Variants in ANKS1B observed in about 807,000 individuals in gnomAD.
ANKS1B encodes the protein ankyrin repeat and sterile alpha motif domain-containing protein 1B.
A neutral mutation model predicts 148.3 loss-of-function variants in ANKS1B; 36 were observed. That is an observed-to-expected ratio of 0.24 (90% CI 0.19 to 0.32). The LOEUF (loss-of-function observed/expected upper bound fraction) is 0.32, where lower values mean the gene tolerates loss of function less well. ANKS1B is among the 10% of genes least tolerant of loss of function. ANKS1B has a pLI of 1.00. For missense variants in ANKS1B, 1,157 were observed against 1,542.6 expected, an observed-to-expected ratio of 0.75 and a Z score of 4.19; for synonymous variants, 542 against 560.8, an observed-to-expected ratio of 0.97 and a Z score of 0.47.
At chr12:99,280,200 G>A (rs986935795) in intron 12 of ANKS1B, among the ~76,000 whole-genome samples, 1 of 151,704 alleles carries the variant, frequency 6.6e-6, no homozygotes, top group East Asian at 1.9e-4. Context: ...GCATGTGTGT[G>A]TGTGAGAGAG....
intron 1 of ANKS1B, among the ~76,000 whole-genome samples, chr12:99,939,863 G>T (rs974727849): frequency 1.2e-4 from 19 of 152,146 alleles, no homozygotes; most frequent in African/African-American, 4.6e-4. Context: ...TCATGTAAAG[G>T]GAACATGAAA....
At chr12:99,456,178 A>T (rs2095845053) in intron 10 of ANKS1B, among the ~76,000 whole-genome samples, 1 of 152,032 alleles carries the variant, frequency 6.6e-6, no homozygotes, top group African/African-American at 2.4e-5. Flanking sequence ...GAAAAATAAC[A>T]GTCACTTCAG....
intron 16 of ANKS1B, among the ~76,000 whole-genome samples, chr12:99,059,833 A>ATGGCAT (rs1459754658): frequency 1.6e-5 from 2 of 124,732 alleles, no homozygotes; most frequent in East Asian, 5.4e-4. Flanking sequence ...TAAAGGTCAG[A>ATGGCAT]TGGCATTCAC....
intron 17 of ANKS1B, among the ~76,000 whole-genome samples, chr12:99,051,301 T>A (rs1198601143): frequency 6.6e-6 from 1 of 152,226 alleles, no homozygotes; most frequent in Non-Finnish European, 1.5e-5. Context: ...AGAGTCCTAT[T>A]GAAATCCATT....
At chr12:99,580,391 T>G (rs2097558957) in intron 9 of ANKS1B, among the ~76,000 whole-genome samples, 1 of 152,080 alleles carries the variant, frequency 6.6e-6, no homozygotes, top group South Asian at 2.1e-4. Flanking sequence ...ATAAAATCAT[T>G]TATAATATGT....
chr12:99,604,029 A>C (rs1428142647), intron 9 of ANKS1B, among the ~76,000 whole-genome samples: 1 of 152,100 alleles, frequency 6.6e-6, no homozygotes. Context: ...TGAAGACACA[A>C]CACTTTACAA....
chr12:98,743,243 C>CAAGT (rs1286591918), downstream of ANKS1B, among the ~76,000 whole-genome samples: 1 of 152,134 alleles, frequency 6.6e-6, no homozygotes, highest in South Asian at 2.1e-4. Flanking sequence ...GCAATATTCC[C>CAAGT]AAGTATTCCA....
At chr12:99,719,701 T>C (rs374431946) in intron 8 of ANKS1B, among the ~76,000 whole-genome samples, 11 of 152,110 alleles carry the variant, frequency 7.2e-5, no homozygotes, top group African/African-American at 2.2e-4. Flanking sequence ...ATGCGAGAGG[T>C]TTCCTCACTA....
At chr12:99,014,659 C>G (rs761586560) in intron 17 of ANKS1B, among the ~76,000 whole-genome samples, 1 of 151,702 alleles carries the variant, frequency 6.6e-6, no homozygotes, top group East Asian at 2.0e-4. Context: ...CTATAAGGAA[C>G]TTAAACAAAT....
chr12:99,827,337 G>A (rs73374317), intron 1 of ANKS1B, among the ~76,000 whole-genome samples: 210 of 151,370 alleles, frequency 1.4e-3, no homozygotes, highest in African/African-American at 4.8e-3. Flanking sequence ...TACGGAATCT[G>A]AAAAAAAATC....
intron 14 of ANKS1B, among the ~76,000 whole-genome samples, chr12:99,195,841 G>C (rs907544802): frequency 1.3e-5 from 2 of 151,970 alleles, no homozygotes; most frequent in African/African-American, 4.8e-5. Flanking sequence ...GAAAGATAAA[G>C]TAGAATTATC....
rs566493837 is a variant in ANKS1B at position 99,293,024 on chromosome 12, T to C, written c.1757-46160A>G. 3.9e-5 allele frequency among the ~76,000 whole-genome samples: 6 copies of C among 152,282 alleles called. No homozygotes were observed. In the East Asian group the frequency reaches 1.2e-3, roughly 29 times the overall value. On this transcript the variant is annotated intron_variant, in intron 12 of 26. Coordinates refer to ENST00000683438, the MANE Select transcript of ANKS1B (RefSeq NM_001352186.2). ...GGATATATACCCAAAGGATTACAAA[T>C]CATGCTACTATAAAGACACATGCAC...
intron 12 of ANKS1B, among the ~76,000 whole-genome samples, chr12:99,343,095 C>T (rs1274020516): frequency 6.6e-6 from 1 of 151,950 alleles, no homozygotes; most frequent in East Asian, 1.9e-4. Context: ...TACAAGTTTT[C>T]AAATCTTTCA....
intron 8 of ANKS1B, among the ~76,000 whole-genome samples, chr12:99,695,114 T>G (rs1199725879): frequency 6.6e-6 from 1 of 152,206 alleles, no homozygotes; most frequent in African/African-American, 2.4e-5. Context: ...AAATGAGCTC[T>G]GTTTATAATC....
chr12:98,943,597 A>C (rs2099840447), intron 17 of ANKS1B, among the ~76,000 whole-genome samples: 1 of 152,116 alleles, frequency 6.6e-6, no homozygotes, highest in African/African-American at 2.4e-5. Context: ...CATCAGGCTG[A>C]GTTCTTCCCA....
At chr12:99,044,458 C>T (rs991942428) in intron 17 of ANKS1B, among the ~76,000 whole-genome samples, 1 of 151,612 alleles carries the variant, frequency 6.6e-6, no homozygotes, top group Non-Finnish European at 1.5e-5. Flanking sequence ...TTGGACAAGG[C>T]TGGTAGGGGA....
chr12:98,843,541 T>C (rs1426090247), intron 17 of ANKS1B, among the ~76,000 whole-genome samples: 4 of 152,196 alleles, frequency 2.6e-5, no homozygotes, highest in African/African-American at 9.6e-5. Flanking sequence ...TCACCCAGTC[T>C]CAGATGTTCT....
intron 10 of ANKS1B, among the ~76,000 whole-genome samples, chr12:99,460,425 TAAACTAAAA>T (rs2095935325): frequency 6.6e-6 from 1 of 151,992 alleles, no homozygotes; most frequent in Non-Finnish European, 1.5e-5. Context: ...GGGACTTAAT[TAAACTAAAA>T]AGCTTCTGCA....
chr12:98,917,280 A>G (rs1438568319), intron 17 of ANKS1B, among the ~76,000 whole-genome samples: 2 of 152,192 alleles, frequency 1.3e-5, no homozygotes, highest in Non-Finnish European at 2.9e-5. Context: ...CTGCTGGTGA[A>G]TGGCAAGACA....
Sources: allele counts gnomAD v4.1 joint callset (sites outside exome capture counted in the v4.1 genomes callset), GRCh38; gene constraint gnomAD v4.1.1; transcripts MANE v1.5; gene names NCBI Gene and HGNC (gene_info 2026-07-23, HGNC 2026-07-21).